Variants in AKAP14 observed in about 807,000 individuals in gnomAD.
The protein encoded by AKAP14 is A-kinase anchoring protein 14.
In AKAP14, 4 loss-of-function variants were observed where a neutral mutation model predicts 17.0. The observed-to-expected ratio is 0.23, with a 90% CI of 0.12 to 0.54. The LOEUF is 0.54. Ranked by LOEUF, AKAP14 falls within the 20% of genes least tolerant of loss-of-function variation. The probability of loss-of-function intolerance (pLI) is 0.95; values close to 1 mark genes in which losing one functional copy is unlikely to be tolerated. For synonymous variants in AKAP14, 42 were observed against 51.3 expected, an observed-to-expected ratio of 0.82 and a Z score of 0.77; for missense variants, 129 against 150.9, an observed-to-expected ratio of 0.85 and a Z score of 0.76.
chrX:119,907,398 T>C (rs1407734626), intron 4 of AKAP14, among the ~76,000 whole-genome samples: 2 of 111,151 alleles, frequency 1.8e-5, no homozygotes, highest in Non-Finnish European at 3.8e-5. Context: ...CCCAAAGTGC[T>C]GGGATTACAA....
chrX:119,902,957 C>T (rs1351449859), intron 2 of AKAP14, among the ~76,000 whole-genome samples: 2 of 112,293 alleles, frequency 1.8e-5, no homozygotes, highest in African/African-American at 6.5e-5. Flanking sequence ...TCTCAAAGGG[C>T]TGGGATTACA....
chrX:119,903,985 C>T (rs770838282), intron 4 of AKAP14, among the ~76,000 whole-genome samples: 5 of 111,334 alleles, frequency 4.5e-5, no homozygotes, highest in South Asian at 3.8e-4. Flanking sequence ...ACTCTGTCAC[C>T]GAGGCTGCAG....
intron 6 of AKAP14, among the ~76,000 whole-genome samples, chrX:119,920,174 G>A (rs1358134546): frequency 9.0e-6 from 1 of 111,613 alleles, no homozygotes; most frequent in Non-Finnish European, 1.9e-5. Flanking sequence ...AGGATTAGTT[G>A]CTGGAGTGGG....
At chrX:119,907,103 C>T (rs919992592) in intron 4 of AKAP14, among the ~76,000 whole-genome samples, 2 of 109,912 alleles carry the variant, frequency 1.8e-5, no homozygotes, top group African/African-American at 6.6e-5. Flanking sequence ...AGCAGCAAAA[C>T]AAAGTTATGA....
At position 119,914,940 on chromosome X, in the gene AKAP14, A is replaced by C. The variant is rs758368748; in HGVS notation, c.441+62A>C. 9.2e-5 allele frequency: 99 copies of C among 1,076,879 alleles called. No individual in the cohort carries two copies. The South Asian group carries it at 1.4e-3, about 15-fold the overall frequency. 88.7% of individuals were successfully genotyped at this position (1,076,879 alleles called of 1,213,427 possible). A position where few individuals can be genotyped will look rare whatever the true frequency, so the allele number is the denominator to read the frequency against. On this transcript the variant is annotated intron_variant, in intron 5 of 6. Transcript: ENST00000371431. ...GTGAGAATGGAGACTTCTCTTGTCA[A>C]GGTCATCAATAACCCCATTTTTACA... is the stretch of plus-strand genomic sequence containing the variant.
At chrX:119,897,782 C>A (rs2056539745) in intron 2 of AKAP14, among the ~76,000 whole-genome samples, 1 of 111,324 alleles carries the variant, frequency 9.0e-6, no homozygotes, top group Non-Finnish European at 1.9e-5. Flanking sequence ...CAGAGGCAAA[C>A]TGAGCTTAAA....
intron 2 of AKAP14, among the ~76,000 whole-genome samples, chrX:119,903,009 T>C (rs2147829352): frequency 8.9e-6 from 1 of 112,179 alleles, no homozygotes; most frequent in Admixed American, 9.5e-5. Flanking sequence ...ATTTTGAGAA[T>C]GTGAGAATCC....
At chrX:119,911,474 C>T (rs1351034130) in intron 4 of AKAP14, among the ~76,000 whole-genome samples, 19 of 111,146 alleles carry the variant, frequency 1.7e-4, no homozygotes. Flanking sequence ...CAAGTTCCAC[C>T]AGTGTTCAAA....
At chrX:119,899,175 A>G (rs2056549991) in intron 2 of AKAP14, among the ~76,000 whole-genome samples, 1 of 108,003 alleles carries the variant, frequency 9.3e-6, no homozygotes, top group African/African-American at 3.4e-5. Flanking sequence ...TCAAAAAAAA[A>G]AAAAAAAAAA....
At chrX:119,905,018 C>T (rs1467807156) in intron 4 of AKAP14, among the ~76,000 whole-genome samples, 1 of 110,295 alleles carries the variant, frequency 9.1e-6, no homozygotes, top group East Asian at 2.8e-4. Context: ...TGCCACTGCA[C>T]TCAGCCTGGG....
At chrX:119,898,585 C>T (rs759204361) in intron 2 of AKAP14, among the ~76,000 whole-genome samples, 25 of 108,756 alleles carry the variant, frequency 2.3e-4, no homozygotes, top group Non-Finnish European at 3.8e-4. Context: ...CACCTGAGGT[C>T]AGGAGTTCAA....
intron 5 of AKAP14, among the ~76,000 whole-genome samples, chrX:119,916,041 C>A (rs960021136): frequency 9.0e-6 from 1 of 110,631 alleles, no homozygotes; most frequent in Non-Finnish European, 1.9e-5. Flanking sequence ...TGGTCTTGAA[C>A]TCCTGGCCTC....
rs1286638218 is a variant in AKAP14 at position 119,903,310 on chromosome X, C to T, written c.87C>T (p.Asp29=). The T allele has an allele frequency of 8.3e-7, 1 of 1,210,504 alleles. No homozygotes were observed. Among genetic ancestry groups the T allele is most frequent in the Non-Finnish European group, 1.1e-6 (1 of 895,385 alleles). The change falls in exon 3 of 7, where the codon GAC becomes GAT. Residue 29 remains aspartate, a synonymous_variant. Coordinates refer to ENST00000371431, the MANE Select transcript of AKAP14 (RefSeq NM_178813.6). ...AASQTMPNTQ[D]KNYEDELTQV... ...GCCAAACAATGCCGAATACACAAGACAAGAACTACGAGGATGAATTGACTC... is the reference window on the plus strand; with the variant it reads ...GCCAAACAATGCCGAATACACAAGATAAGAACTACGAGGATGAATTGACTC...
At chrX:119,910,021 T>A (rs1193696507) in intron 4 of AKAP14, among the ~76,000 whole-genome samples, 1 of 110,655 alleles carries the variant, frequency 9.0e-6, no homozygotes, top group Non-Finnish European at 1.9e-5. Flanking sequence ...TAGCCAGGTG[T>A]GGTGGTGCAT....
intron 5 of AKAP14, among the ~76,000 whole-genome samples, chrX:119,915,196 C>T (rs2056650516): frequency 9.0e-6 from 1 of 111,677 alleles, no homozygotes; most frequent in African/African-American, 3.2e-5. Context: ...AGGCCTTGGA[C>T]CTCTTCTCTA....
chrX:119,907,886 T>C (rs2056606735), intron 4 of AKAP14, among the ~76,000 whole-genome samples: 1 of 112,356 alleles, frequency 8.9e-6, no homozygotes, highest in Non-Finnish European at 1.9e-5. Context: ...GAAAAGTACT[T>C]TTGGATGACA....
chrX:119,897,411 G>A (rs1203809836), intron 2 of AKAP14, among the ~76,000 whole-genome samples: 1 of 110,622 alleles, frequency 9.0e-6, no homozygotes, highest in Non-Finnish European at 1.9e-5. Flanking sequence ...CGCCCGCCTT[G>A]GCCTCCCAAA....
At chrX:119,897,361 G>A (rs1432041866) in intron 2 of AKAP14, among the ~76,000 whole-genome samples, 2 of 107,986 alleles carry the variant, frequency 1.9e-5, no homozygotes, top group Admixed American at 1.0e-4. Context: ...GGGTTTCACT[G>A]TGTTAGCCAG....
intron 2 of AKAP14, among the ~76,000 whole-genome samples, chrX:119,900,133 C>G (rs186986691): frequency 9.3e-6 from 1 of 107,704 alleles, no homozygotes; most frequent in African/African-American, 3.4e-5. Context: ...ACTCTCATTG[C>G]CCAGGCTGGA....
Sources: allele counts gnomAD v4.1 joint callset (sites outside exome capture counted in the v4.1 genomes callset), GRCh38; gene constraint gnomAD v4.1.1; transcripts MANE v1.5; gene names NCBI Gene and HGNC (gene_info 2026-07-23, HGNC 2026-07-21).